DNMT3A: variants seen among roughly 807,000 people sequenced by gnomAD.
The protein encoded by DNMT3A is DNA (cytosine-5)-methyltransferase 3A.
DNMT3A carries 267 observed loss-of-function variants against 117.6 expected under a neutral mutation model. The ratio of observed to expected loss-of-function variants is 2.27; its 90% CI spans 2.05 to 2.51. The LOEUF (loss-of-function observed/expected upper bound fraction) is 2.51. Ranked by LOEUF, DNMT3A falls within the 30% of genes most tolerant of loss-of-function variation. The pLI, the probability that DNMT3A is intolerant of heterozygous loss-of-function variation, is 0.00. For synonymous variants in DNMT3A, 432 were observed against 474.8 expected (o/e 0.91, Z 1.17); for missense variants, 1,029 against 1,260.2 (o/e 0.82, Z 2.78).
At chr2:25,316,525 C>T (rs1026542037) in intron 1 of DNMT3A, among the ~76,000 whole-genome samples, 3 of 152,182 alleles carry the variant, frequency 2.0e-5, no homozygotes, top group African/African-American at 7.2e-5. Flanking sequence ...TGTGTCTGGG[C>T]GGGCCATGTA....
At chr2:25,276,810 TG>T (rs557096294) in intron 4 of DNMT3A, among the ~76,000 whole-genome samples, 1 of 151,750 alleles carries the variant, frequency 6.6e-6, no homozygotes, top group African/African-American at 2.4e-5. Context: ...TAGCTTGGGG[TG>T]GGGGGAGACA....
At chr2:25,300,046 G>T (rs2033338546) in intron 3 of DNMT3A, 93 bp downstream of exon 3, 2 of 1,355,646 alleles carry the variant, frequency 1.5e-6, no homozygotes. Flanking sequence ...AATGTCTCCA[G>T]GTCCCTGCAG....
Position 25,286,886 on chromosome 2 carries a change from C to G in DNMT3A, c.178-4175G>C, listed in dbSNP as rs531504552. ...TCCTCCCAGCCACTCTCCTCCCCTC[C>G]TTTCCCCTGTCTCCACAGCTTGTTG... On this transcript the variant is annotated intron_variant, in intron 3 of 22. Transcript: ENST00000321117. The surrounding 1 kb of genome is among the most constrained non-coding windows in gnomAD (Gnocchi z 4.3). Among the ~76,000 whole-genome samples the G allele has an allele frequency of 1.4e-3, 211 of 152,346 alleles. No homozygotes were observed. Among genetic ancestry groups the G allele is most frequent in the Non-Finnish European group, 2.7e-3 (184 of 68,032 alleles).
intron 6 of DNMT3A, among the ~76,000 whole-genome samples, chr2:25,265,139 A>G (rs1205400095): frequency 2.6e-5 from 4 of 152,172 alleles, no homozygotes; most frequent in East Asian, 1.9e-4. Context: ...AAAAACAGCA[A>G]TTCAAGGGCA....
chr2:25,242,248 G>A (rs952021595), intron 16 of DNMT3A, among the ~76,000 whole-genome samples: 1 of 151,870 alleles, frequency 6.6e-6, no homozygotes, highest in Non-Finnish European at 1.5e-5. Flanking sequence ...CAGCCCTCTC[G>A]TGGATTGCAA....
intron 4 of DNMT3A, among the ~76,000 whole-genome samples, chr2:25,278,042 C>CACACACACACAG (rs150400657): frequency 9.6e-5 from 14 of 146,398 alleles, no homozygotes; most frequent in East Asian, 6.2e-4. Flanking sequence ...CACACACAGA[C>CACACACACACAG]ACACACGCTT....
chr2:25,265,514 A>C (rs2030243611), intron 6 of DNMT3A, among the ~76,000 whole-genome samples: 1 of 152,132 alleles, frequency 6.6e-6, no homozygotes, highest in South Asian at 2.1e-4. Context: ...TAATAGCAAA[A>C]TACAGGTTAA....
intron 2 of DNMT3A, among the ~76,000 whole-genome samples, chr2:25,301,884 C>A (rs1195610777): frequency 2.0e-5 from 3 of 152,204 alleles, no homozygotes; most frequent in Non-Finnish European, 4.4e-5. Flanking sequence ...TGGCCCTCAA[C>A]AACCTACTCA....
At chr2:25,235,976 C>T (rs1389011014) in intron 21 of DNMT3A, 151 bp from the exon 22 acceptor site, 4 of 691,732 alleles carry the variant, frequency 5.8e-6, no homozygotes, top group Admixed American at 5.3e-5. Context: ...GAGCAGAGTT[C>T]GCAGGGCAGG....
At chr2:25,245,154 G>C in intron 13 of DNMT3A, 99 bp downstream of exon 13, 1 of 1,133,470 alleles carries the variant, frequency 8.8e-7, no homozygotes, top group South Asian at 1.4e-5. Flanking sequence ...ACGCACACCG[G>C]GTGTCACCCT....
intron 2 of DNMT3A, among the ~76,000 whole-genome samples, chr2:25,300,719 A>G (rs1373482353): frequency 1.5e-4 from 1 of 6,708 alleles, no homozygotes; most frequent in Non-Finnish European, 3.1e-4. Flanking sequence ...TATAATATAT[A>G]TATATATATA....
At position 25,243,920 on chromosome 2, in the gene DNMT3A, A is replaced by C; in HGVS notation, c.1914T>G (p.Ser638=). 1 of 1,552,064 alleles carries C rather than the reference A, an allele frequency of 6.4e-7. No individual in the cohort carries two copies. Among genetic ancestry groups the C allele is most frequent in the Non-Finnish European group, 8.7e-7 (1 of 1,147,100 alleles). The change falls in exon 16 of 23, where the codon TCT becomes TCG. Residue 638 remains serine, a synonymous_variant. Transcript: ENST00000321117. The stretch of plus-strand genomic sequence containing the variant: ...CACCTGTAGCGATTCCATCAAAGAG[A>C]GACAGCACCCGGATGGGCTTCCTCT... The part of the protein sequence containing the change: ...AEKRKPIRVL[S]LFDGIATGLL...
Position 25,244,608 on chromosome 2 carries a change from G to A in DNMT3A, c.1599C>T (p.Tyr533=). 1 of 1,614,192 alleles carries A rather than the reference G, an allele frequency of 6.2e-7. No individual in the cohort carries two copies. The highest frequency in any genetic ancestry group is 8.5e-7 in the Non-Finnish European group (1 of 1,180,028). ...CACAGCAGATGGTGCAGTAGGACTG[G>A]TAGCCGTCGTCGTCGTACTGGTACG... ...ECAYQYDDDG[Y]QSYCTICCGG... is the part of the protein sequence containing the mutation. Residue 533 remains tyrosine, a synonymous_variant, in exon 14 of 23, where the codon TAC becomes TAT. Transcript: ENST00000321117.
chr2:25,279,113 CATT>C (rs1472179107), intron 4 of DNMT3A, among the ~76,000 whole-genome samples: 1 of 152,170 alleles, frequency 6.6e-6, no homozygotes, highest in Non-Finnish European at 1.5e-5. Flanking sequence ...GAATCATCAT[CATT>C]ATGGCATTAA....
In DNMT3A at chr2:25,339,507, G is replaced by A. The variant is rs1012833183; in HGVS notation, c.-178+2319C>T. ...ATCTGGGGAGGAGCTGCACAGAGGA[G>A]GGGGACCCACCAGGGAGGCAGGCAG... is the stretch of plus-strand genomic sequence containing the variant. On this transcript the variant is annotated intron_variant, in intron 1 of 22. Coordinates refer to ENST00000321117, the MANE Select transcript of DNMT3A (RefSeq NM_022552.5). The surrounding 1 kb of genome is among the most constrained non-coding windows in gnomAD (Gnocchi z 4.9). Among the ~76,000 whole-genome samples the A allele has an allele frequency of 1.3e-5, 2 of 152,196 alleles. No individual in the cohort carries two copies. Among genetic ancestry groups the A allele is most frequent in the Non-Finnish European group, 2.9e-5 (2 of 68,016 alleles).
intron 2 of DNMT3A, among the ~76,000 whole-genome samples, chr2:25,307,787 G>A (rs1034057517): frequency 6.6e-6 from 1 of 152,108 alleles, no homozygotes; most frequent in Non-Finnish European, 1.5e-5. Flanking sequence ...CTGCACAGCT[G>A]AGCCTGGCCT....
chr2:25,240,554 G>T (rs938038066), intron 18 of DNMT3A, 86 bp downstream of exon 18: 1 of 1,595,604 alleles, frequency 6.3e-7, no homozygotes, highest in African/African-American at 1.3e-5. Context: ...ATCGGGAATA[G>T]CTGTCCCAGG....
intron 6 of DNMT3A, among the ~76,000 whole-genome samples, chr2:25,258,632 T>G (rs1676358529): frequency 6.6e-6 from 1 of 152,042 alleles, no homozygotes; most frequent in Non-Finnish European, 1.5e-5. Flanking sequence ...TGCAATTAGA[T>G]GGTAAATTAT....
chr2:25,273,669 T>G (rs2031142198), intron 6 of DNMT3A, among the ~76,000 whole-genome samples: 1 of 152,146 alleles, frequency 6.6e-6, no homozygotes, highest in Non-Finnish European at 1.5e-5. Flanking sequence ...AGCCTCCATT[T>G]TCTCACCTCT....
Sources: allele counts gnomAD v4.1 joint callset (sites outside exome capture counted in the v4.1 genomes callset), GRCh38; gene constraint gnomAD v4.1.1; non-coding constraint Gnocchi (gnomAD v3.1); transcripts MANE v1.5; gene names NCBI Gene and HGNC (gene_info 2026-07-23, HGNC 2026-07-21).